Variants in MACF1 observed in about 807,000 individuals in gnomAD.
MACF1 encodes microtubule actin crosslinking factor 1, also known as microtubule-actin cross-linking factor 1.
Under a neutral mutation model 854.8 loss-of-function variants are expected in MACF1, and 193 were observed. The observed-to-expected ratio is 0.23, with a 90% CI of 0.20 to 0.25. The LOEUF (loss-of-function observed/expected upper bound fraction) is 0.25. MACF1 is among the 10% of genes least tolerant of loss of function. The probability of loss-of-function intolerance (pLI) is 1.00; values close to 1 mark genes in which losing one functional copy is unlikely to be tolerated. For missense variants in MACF1, 7,722 were observed against 8,929.1 expected (o/e 0.86, Z 5.45); for synonymous variants, 3,185 against 3,226.7 (o/e 0.99, Z 0.44).
chr1:39,119,655 A>G (rs1428409269), intron 2 of MACF1, among the ~76,000 whole-genome samples: 1 of 152,042 alleles, frequency 6.6e-6, no homozygotes, highest in African/African-American at 2.4e-5. Context: ...TGCATACTTG[A>G]TATGTCCAAA....
At chr1:39,186,892 G>A (rs890895728) in intron 2 of MACF1, among the ~76,000 whole-genome samples, 2 of 151,798 alleles carry the variant, frequency 1.3e-5, no homozygotes, top group Admixed American at 6.6e-5. Flanking sequence ...TTGCAGGTGT[G>A]GGCCCCCACA....
intron 2 of MACF1, among the ~76,000 whole-genome samples, chr1:39,186,181 TC>T (rs1451905802): frequency 2.9e-4 from 3 of 10,348 alleles, no homozygotes; most frequent in Admixed American, 1.4e-3. Context: ...TCTCTCTCTC[TC>T]TCTCTCTCTC....
Position 39,282,353 on chromosome 1 carries a change from A to G in MACF1, c.674A>G (p.Asn225Ser), listed in dbSNP as rs1645563562. 1.2e-6 allele frequency: 2 copies of G among 1,613,884 alleles called. No individual in the cohort carries two copies. Among genetic ancestry groups the G allele is most frequent in the Non-Finnish European group, 1.7e-6 (2 of 1,179,946 alleles). The change falls in exon 7 of 101, where the codon AAT becomes AGT. Residue 225 changes from asparagine (N) to serine (S), a missense_variant. By Grantham distance (46) the Asn-to-Ser change is conservative. Coordinates refer to ENST00000564288, the MANE Select transcript of MACF1 (RefSeq NM_001394062.1). ...SSCWSDGKMFNALIHRYRPDL... is the reference protein window; with the variant it reads ...SSCWSDGKMFSALIHRYRPDL... ...TGCTGGAGTGATGGGAAGATGTTCAATGCACTCATTCACCGATACCGGTAA... is the reference window on the plus strand; with the variant it reads ...TGCTGGAGTGATGGGAAGATGTTCAGTGCACTCATTCACCGATACCGGTAA...
chr1:39,270,261 G>A (rs1406346778), intron 6 of MACF1, among the ~76,000 whole-genome samples: 2 of 152,212 alleles, frequency 1.3e-5, no homozygotes, highest in African/African-American at 4.8e-5. Context: ...TTGTATAGGT[G>A]GAGAGGGCTC....
intron 6 of MACF1, among the ~76,000 whole-genome samples, chr1:39,258,328 G>A (rs866029464): frequency 1.2e-4 from 19 of 152,222 alleles, no homozygotes; most frequent in African/African-American, 4.3e-4. Flanking sequence ...ATCAAAATGA[G>A]GCTCTTGAAG....
intron 23 of MACF1, among the ~76,000 whole-genome samples, chr1:39,304,068 G>A (rs1348244570): frequency 6.7e-6 from 1 of 148,600 alleles, no homozygotes; most frequent in East Asian, 2.0e-4. Flanking sequence ...TGTGCACAAT[G>A]TGCAGGTTTG....
intron 88 of MACF1, 129 bp downstream of exon 88, chr1:39,453,979 A>G (rs112956112): frequency 7.9e-6 from 9 of 1,145,318 alleles, no homozygotes; most frequent in South Asian, 1.6e-5. Flanking sequence ...TTAAGTTAAC[A>G]TTTTAGTAAA....
chr1:39,476,580 AAAG>A (rs1213922732), intron 97 of MACF1, among the ~76,000 whole-genome samples: 21 of 152,140 alleles, frequency 1.4e-4, no homozygotes, highest in Admixed American at 5.2e-4. Context: ...CAAAAAAAAA[AAAG>A]AAAGAAAGAA....
Position 39,388,394 on chromosome 1 carries a change from A to G in MACF1, c.15552A>G (p.Arg5184=), listed in dbSNP as rs555805343. ...LDIEASEAEC[R]HMLEEEGTLD... ...TAGAGGCCTCTGAAGCAGAGTGTCG[A>G]CATATGCTAGAAGAAGAGGGGACTC... Residue 5184 remains arginine, a synonymous_variant, in exon 58 of 101, where the codon CGA becomes CGG. Transcript: ENST00000564288. 1.9e-6 allele frequency: 3 copies of G among 1,614,186 alleles called. No homozygotes were observed. The highest frequency in any genetic ancestry group is 3.3e-5 in the Admixed American group (2 of 60,016).
intron 70 of MACF1, 145 bp from the exon 71 acceptor site, chr1:39,437,632 A>G (rs1323645752): frequency 1.3e-6 from 1 of 745,696 alleles, no homozygotes; most frequent in South Asian, 1.4e-5. Flanking sequence ...TCTTAACCAA[A>G]CTCAACACTT....
At chr1:39,101,480 C>T (rs1186173147) in intron 2 of MACF1, among the ~76,000 whole-genome samples, 4 of 151,632 alleles carry the variant, frequency 2.6e-5, no homozygotes, top group Admixed American at 6.6e-5. Flanking sequence ...CCTCTGGCCT[C>T]GGCCTCCCAA....
chr1:39,339,737 A>G (rs1646894476), intron 38 of MACF1, among the ~76,000 whole-genome samples: 1 of 152,232 alleles, frequency 6.6e-6, no homozygotes, highest in Non-Finnish European at 1.5e-5. Flanking sequence ...GTGATAACTG[A>G]TAGAACCAGT....
At chr1:39,162,941 A>G (rs561344263) in intron 2 of MACF1, among the ~76,000 whole-genome samples, 4 of 152,322 alleles carry the variant, frequency 2.6e-5, no homozygotes, top group African/African-American at 7.2e-5. Context: ...AATGTCCTTC[A>G]GTAGTCACCA....
intron 87 of MACF1, 96 bp downstream of exon 87, chr1:39,452,908 A>C: frequency 6.9e-7 from 1 of 1,443,054 alleles, no homozygotes; most frequent in South Asian, 1.3e-5. Context: ...GAAATATCAG[A>C]GCTCACATGA....
At chr1:39,141,260 C>T (rs139791855) in intron 2 of MACF1, among the ~76,000 whole-genome samples, 4 of 152,262 alleles carry the variant, frequency 2.6e-5, no homozygotes, top group South Asian at 2.1e-4. Flanking sequence ...CTTGAGCCTG[C>T]GTCAGAATCA....
rs759986793 is a variant in MACF1, at chr1:39,303,007, C to T, written c.2718C>T (p.Asn906=). 1.2e-5 allele frequency: 20 copies of T among 1,614,024 alleles called. 1 individual carries two copies. Among genetic ancestry groups the T allele is most frequent in the South Asian group, 7.7e-5 (7 of 91,086 alleles). ...GGAAAGTGATCAGCCCCACAGGGAA[C>T]GAGGCAATGGTGCCGTCAGTCTGCT... The part of the protein sequence containing the change: ...TKWKVISPTG[N]EAMVPSVCFL... Residue 906 remains asparagine, a synonymous_variant, in exon 23 of 101, where the codon AAC becomes AAT. Coordinates refer to ENST00000564288, the MANE Select transcript of MACF1 (RefSeq NM_001394062.1).
At chr1:39,266,113 A>T (rs575514396) in intron 6 of MACF1, among the ~76,000 whole-genome samples, 2 of 152,326 alleles carry the variant, frequency 1.3e-5, no homozygotes, top group South Asian at 2.1e-4. Context: ...CAGAAATTTT[A>T]AAAAAAGAAT....
intron 23 of MACF1, among the ~76,000 whole-genome samples, chr1:39,308,180 A>G (rs144256042): frequency 0.015 from 2,240 of 152,212 alleles, 38 homozygotes; most frequent in African/African-American, 0.051. Flanking sequence ...CTGGGATTAC[A>G]GGCGTGAGCC....
rs144114534 is a variant in MACF1, at chr1:39,347,086, G to T, written c.10691G>T (p.Arg3564Leu). Reference sequence around the variant, plus strand: ...CAGGACTTGTCCCCTCAGCAGAATCGACAGATGCTGAGGCTTCTGAATGAA... The same window carrying T: ...CAGGACTTGTCCCCTCAGCAGAATCTACAGATGCTGAGGCTTCTGAATGAA... ...HAQDLSPQQN[R>L]QMLRLLNELQ... Residue 3564 changes from arginine (R) to leucine (L), a missense_variant, in exon 41 of 101, where the codon CGA becomes CTA. Physicochemically the swap from Arg to Leu is moderately radical, Grantham distance 102. This residue lies in a region of MACF1 where 854 missense variants were observed against 852.6 expected (regional missense o/e 1.00). Coordinates refer to ENST00000564288, the MANE Select transcript of MACF1 (RefSeq NM_001394062.1). 9.3e-6 allele frequency: 15 copies of T among 1,613,198 alleles called. No homozygotes were observed. The East Asian group carries it at 3.3e-4, about 36-fold the overall frequency.
Sources: allele counts gnomAD v4.1 joint callset (sites outside exome capture counted in the v4.1 genomes callset), GRCh38; gene constraint gnomAD v4.1.1; regional missense constraint gnomAD v4.1.1; transcripts MANE v1.5; gene names NCBI Gene and HGNC (gene_info 2026-07-23, HGNC 2026-07-21).